ST6GALNAC3: variants seen among roughly 807,000 people sequenced by gnomAD.
ST6GALNAC3 encodes alpha-N-acetylgalactosaminide alpha-2,6-sialyltransferase 3.
Under a neutral mutation model 32.7 loss-of-function variants are expected in ST6GALNAC3, and 25 were observed. The ratio of observed to expected loss-of-function variants is 0.76; its 90% CI spans 0.56 to 1.07. The LOEUF (loss-of-function observed/expected upper bound fraction) is 1.07, where lower values mean the gene tolerates loss of function less well. Among genes scored for constraint, ST6GALNAC3 ranks in the 50% least tolerant of loss-of-function variants. ST6GALNAC3 has a pLI of 0.00. For missense variants in ST6GALNAC3, 355 were observed against 382.4 expected (o/e 0.93, Z 0.60); for synonymous variants, 129 against 133.1 (o/e 0.97, Z 0.21).
rs566038756 is a variant in ST6GALNAC3 at position 76,093,874 on chromosome 1, G to A, written c.18+18990G>A. Among the ~76,000 whole-genome samples the A allele has an allele frequency of 4.1e-4, 62 of 152,242 alleles. No homozygotes were observed. In the South Asian group the frequency reaches 0.013, roughly 32 times the overall value. On this transcript the variant is annotated intron_variant, in intron 1 of 4. Coordinates refer to ENST00000328299, the MANE Select transcript of ST6GALNAC3 (RefSeq NM_152996.4). The stretch of plus-strand genomic sequence containing the variant: ...GTTCTTTGTTGAACATGCCACATAA[G>A]CCAGATGCCACATAAGCCAGAGTTC...
At chr1:76,524,716 T>G (rs68102037) in intron 3 of ST6GALNAC3, among the ~76,000 whole-genome samples, 6 of 96,484 alleles carry the variant, frequency 6.2e-5, no homozygotes, top group Non-Finnish European at 1.2e-4. Flanking sequence ...ATATTTCAGT[T>G]TTTTTTTTTT....
At chr1:76,488,987 T>C (rs528663888) in intron 3 of ST6GALNAC3, among the ~76,000 whole-genome samples, 1 of 152,188 alleles carries the variant, frequency 6.6e-6, no homozygotes, top group Non-Finnish European at 1.5e-5. Context: ...TCAGCATTTC[T>C]GGAAGCAATT....
At chr1:76,496,172 T>G (rs1660835536) in intron 3 of ST6GALNAC3, among the ~76,000 whole-genome samples, 1 of 152,128 alleles carries the variant, frequency 6.6e-6, no homozygotes, top group Admixed American at 6.6e-5. Context: ...AAAATCTGCC[T>G]GAGATTTAGA....
chr1:76,497,289 C>T (rs1395966194), intron 3 of ST6GALNAC3, among the ~76,000 whole-genome samples: 1 of 152,090 alleles, frequency 6.6e-6, no homozygotes, highest in African/African-American at 2.4e-5. Flanking sequence ...GCCTGATGTA[C>T]CTGCACCTAC....
intron 3 of ST6GALNAC3, among the ~76,000 whole-genome samples, chr1:76,421,323 T>C (rs1447022231): frequency 6.6e-6 from 1 of 152,056 alleles, no homozygotes. Context: ...GCAAATCTAT[T>C]ACCTTCTCTA....
intron 1 of ST6GALNAC3, among the ~76,000 whole-genome samples, chr1:76,095,789 C>A (rs576621042): frequency 1.3e-5 from 2 of 152,242 alleles, no homozygotes; most frequent in South Asian, 4.2e-4. Context: ...TCCTTCCCAT[C>A]CTCTCAGTTG....
chr1:76,242,052 A>G (rs907904725), intron 1 of ST6GALNAC3, among the ~76,000 whole-genome samples: 1 of 152,214 alleles, frequency 6.6e-6, no homozygotes, highest in African/African-American at 2.4e-5. Flanking sequence ...ATTAAAAATC[A>G]TATATGCATA....
rs1297878185 is a variant in ST6GALNAC3, at chr1:76,630,725, A to G, written c.*1919A>G. The G allele has an allele frequency of 1.0e-6, 1 of 985,536 alleles. No individual in the cohort carries two copies. Among genetic ancestry groups the G allele is most frequent in the Non-Finnish European group, 1.2e-6 (1 of 829,844 alleles). 61.0% of individuals were successfully genotyped at this position (985,536 alleles called of 1,614,324 possible). A position where few individuals can be genotyped will look rare whatever the true frequency, so the allele number is the denominator to read the frequency against. ...TTGACACCTCAATATTCACACCCAT[A>G]AACATTACTAAGCCCCAGTTCTATC... On this transcript the variant is annotated 3_prime_UTR_variant, in exon 5 of 5. Transcript: ENST00000328299.
chr1:76,374,678 T>G (rs1651081932), intron 2 of ST6GALNAC3, among the ~76,000 whole-genome samples: 1 of 152,188 alleles, frequency 6.6e-6, no homozygotes, highest in African/African-American at 2.4e-5. Flanking sequence ...ATTTATAAAT[T>G]ACTTGGGGAC....
intron 1 of ST6GALNAC3, among the ~76,000 whole-genome samples, chr1:76,272,269 G>A (rs1014319482): frequency 6.8e-6 from 1 of 147,082 alleles, no homozygotes; most frequent in Admixed American, 7.0e-5. Context: ...GTTGCAGTGA[G>A]CCGAGATCGC....
At chr1:76,339,293 G>A (rs949576117) in intron 2 of ST6GALNAC3, among the ~76,000 whole-genome samples, 2 of 152,130 alleles carry the variant, frequency 1.3e-5, no homozygotes, top group African/African-American at 2.4e-5. Flanking sequence ...GAAGACAGGG[G>A]AGTCAGATTC....
In ST6GALNAC3 at chr1:76,630,324, G is replaced by A. The variant is rs528513122; in HGVS notation, c.*1518G>A. ...AGTTTTGAGAAGTTTTTCTATATAC[G>A]TATATATACACGTGTGGTTCTATTT... On this transcript the variant is annotated 3_prime_UTR_variant, in exon 5 of 5. Coordinates refer to ENST00000328299, the MANE Select transcript of ST6GALNAC3 (RefSeq NM_152996.4). 8.1e-6 allele frequency: 8 copies of A among 985,090 alleles called. No homozygotes were observed. The highest frequency in any genetic ancestry group is 1.1e-4 in the East Asian group (1 of 8,798). The allele number at this position is 985,090 out of a possible 1,614,324, so 61.0% of individuals were successfully genotyped here.
intron 3 of ST6GALNAC3, among the ~76,000 whole-genome samples, chr1:76,478,630 G>C (rs1034911540): frequency 1.2e-4 from 19 of 152,050 alleles, no homozygotes; most frequent in African/African-American, 4.6e-4. Context: ...AAAATGATCT[G>C]GCTTTCCTGC....
intron 1 of ST6GALNAC3, among the ~76,000 whole-genome samples, chr1:76,115,712 T>G (rs975542928): frequency 6.6e-6 from 1 of 152,196 alleles, no homozygotes; most frequent in African/African-American, 2.4e-5. Flanking sequence ...AAAGCATCCC[T>G]TATGCCTTCA....
chr1:76,627,536 G>T lies in ST6GALNAC3; in HGVS notation c.708G>T (p.Gly236=). ...MDACYGIHVY[G]MINDTYCKTE... ...CCTGTTATGGCATTCACGTCTACGG[G>T]ATGATAAATGACACCTACTGCAAGT... Residue 236 remains glycine (G), a synonymous_variant, in exon 4 of 5, where the codon GGG becomes GGT. Coordinates refer to ENST00000328299, the MANE Select transcript of ST6GALNAC3 (RefSeq NM_152996.4). 6.2e-7 allele frequency: 1 copy of T among 1,612,362 alleles called. No homozygotes were observed. The highest frequency in any genetic ancestry group is 8.5e-7 in the Non-Finnish European group (1 of 1,178,792).
chr1:76,182,527 TTG>T (rs1653251306), intron 1 of ST6GALNAC3, among the ~76,000 whole-genome samples: 1 of 152,170 alleles, frequency 6.6e-6, no homozygotes, highest in South Asian at 2.1e-4. Flanking sequence ...ACTATTGCAC[TTG>T]TGTGTGTGTT....
intron 3 of ST6GALNAC3, among the ~76,000 whole-genome samples, chr1:76,484,496 A>G (rs1234474901): frequency 2.0e-5 from 3 of 152,114 alleles, no homozygotes; most frequent in Non-Finnish European, 2.9e-5. Context: ...TGTGAATGGG[A>G]GTTCACTCAT....
At chr1:76,250,237 A>G (rs910647373) in intron 1 of ST6GALNAC3, among the ~76,000 whole-genome samples, 1 of 152,198 alleles carries the variant, frequency 6.6e-6, no homozygotes, top group Non-Finnish European at 1.5e-5. Context: ...GATGGTTTGC[A>G]ATTTCTAAGC....
chr1:76,256,133 C>T (rs1657907200), intron 1 of ST6GALNAC3, among the ~76,000 whole-genome samples: 1 of 151,770 alleles, frequency 6.6e-6, no homozygotes, highest in Non-Finnish European at 1.5e-5. Context: ...ATACTTTAAA[C>T]TAGTTTAAAA....
Sources: allele counts gnomAD v4.1 joint callset (sites outside exome capture counted in the v4.1 genomes callset), GRCh38; gene constraint gnomAD v4.1.1; transcripts MANE v1.5; gene names NCBI Gene and HGNC (gene_info 2026-07-23, HGNC 2026-07-21).